KIF26B: variants seen among roughly 807,000 people sequenced by gnomAD.
The protein encoded by KIF26B is kinesin-like protein KIF26B.
Under a neutral mutation model 151.2 loss-of-function variants are expected in KIF26B, and 63 were observed. That is an observed-to-expected ratio of 0.42 (90% CI 0.34 to 0.51). The LOEUF (loss-of-function observed/expected upper bound fraction) is 0.51. KIF26B is among the 20% of genes least tolerant of loss of function. The probability of loss-of-function intolerance (pLI) is 0.07; values close to 1 mark genes in which losing one functional copy is unlikely to be tolerated. For synonymous variants in KIF26B, 1,357 were observed against 1,262.1 expected (o/e 1.08, Z -1.59); for missense variants, 2,813 against 2,913.6 (o/e 0.97, Z 0.79).
At chr1:245,671,865 G>A (rs1226657597) in intron 10 of KIF26B, among the ~76,000 whole-genome samples, 1 of 152,202 alleles carries the variant, frequency 6.6e-6, no homozygotes, top group African/African-American at 2.4e-5. Flanking sequence ...ATGCAGGAGA[G>A]GCACGAAAGC....
At chr1:245,598,614 T>A (rs2043358880) in intron 5 of KIF26B, among the ~76,000 whole-genome samples, 1 of 152,006 alleles carries the variant, frequency 6.6e-6, no homozygotes, top group African/African-American at 2.4e-5. Flanking sequence ...GTGGCAGCGA[T>A]CACCTCCATG....
chr1:245,227,198 G>A lies in KIF26B; in HGVS notation c.465+70515G>A, dbSNP rs1020940096. On this transcript the variant is annotated intron_variant, in intron 2 of 14. Transcript: ENST00000407071. The surrounding 1 kb of genome is among the most constrained non-coding windows in gnomAD (Gnocchi z 4.1). ...TGTGTCTGTCTGGTTGAGCTGAAAC[G>A]TGGGCAGATCAGAAAGGAAGGAAAA... Among the ~76,000 whole-genome samples the A allele has an allele frequency of 1.3e-5, 2 of 152,144 alleles. No individual in the cohort carries two copies. The highest frequency in any genetic ancestry group is 2.9e-5 in the Non-Finnish European group (2 of 68,036).
intron 2 of KIF26B, 68 bp from the exon 3 acceptor site, chr1:245,366,766 G>GTA: frequency 6.7e-7 from 1 of 1,482,888 alleles, no homozygotes; most frequent in Non-Finnish European, 9.3e-7. Flanking sequence ...GGTAAGCCAG[G>GTA]TATCTGACTT....
chr1:245,479,377 A>G (rs567826207), intron 4 of KIF26B, among the ~76,000 whole-genome samples: 3 of 151,920 alleles, frequency 2.0e-5, no homozygotes, highest in South Asian at 4.2e-4. Flanking sequence ...CACCCAGGGT[A>G]TATCTACAGA....
intron 3 of KIF26B, among the ~76,000 whole-genome samples, chr1:245,411,884 G>A (rs1160518259): frequency 6.6e-6 from 1 of 152,152 alleles, no homozygotes; most frequent in African/African-American, 2.4e-5. Flanking sequence ...CTGGAGTAAG[G>A]TGCCCTCCGT....
intron 5 of KIF26B, among the ~76,000 whole-genome samples, chr1:245,578,978 T>C (rs1008918392): frequency 1.3e-5 from 2 of 152,210 alleles, no homozygotes; most frequent in African/African-American, 4.8e-5. Flanking sequence ...GAGAAAATAG[T>C]TTCTGGTTAT....
At chr1:245,199,303 C>T (rs955600348) in intron 2 of KIF26B, among the ~76,000 whole-genome samples, 1 of 152,000 alleles carries the variant, frequency 6.6e-6, no homozygotes, top group African/African-American at 2.4e-5. Flanking sequence ...CATATATACT[C>T]CCCTCCCTCC....
intron 2 of KIF26B, among the ~76,000 whole-genome samples, chr1:245,280,710 C>A: frequency 7.8e-6 from 1 of 127,848 alleles, no homozygotes; most frequent in Non-Finnish European, 1.6e-5. Flanking sequence ...CCCATTAACT[C>A]GTCATCTAGC....
intron 2 of KIF26B, among the ~76,000 whole-genome samples, chr1:245,282,159 G>T (rs2102968707): frequency 6.6e-6 from 1 of 152,042 alleles, no homozygotes; most frequent in Middle Eastern, 3.4e-3. Flanking sequence ...CGTGAAAATG[G>T]CCATACTGCC....
chr1:245,229,402 G>A (rs949559244), intron 2 of KIF26B, among the ~76,000 whole-genome samples: 2 of 152,136 alleles, frequency 1.3e-5, no homozygotes, highest in African/African-American at 4.8e-5. Context: ...GGAGTGATGA[G>A]GGTACCATTT....
At chr1:245,378,241 A>G (rs1673322475) in intron 3 of KIF26B, among the ~76,000 whole-genome samples, 1 of 152,068 alleles carries the variant, frequency 6.6e-6, no homozygotes. Context: ...AACAGCAGGT[A>G]AGATGCTGTG....
chr1:245,662,346 CTA>C (rs199768176), intron 10 of KIF26B, among the ~76,000 whole-genome samples: 12,690 of 145,876 alleles, frequency 0.087, 977 homozygotes, highest in East Asian at 0.39. Flanking sequence ...CACACACACC[CTA>C]TATATATATA....
Position 245,652,102 on chromosome 1 carries a change from CTGTGTGTGTGTGTG to C in KIF26B, c.2258+5853_2258+5866del, listed in dbSNP as rs56893913. Among the ~76,000 whole-genome samples the C allele has an allele frequency of 2.1e-3, 283 of 136,444 alleles. 1 individual carries two copies. The highest frequency in any genetic ancestry group is 8.9e-3 in the East Asian group (43 of 4,806). 89.5% of individuals were successfully genotyped at this position (136,444 alleles called of 152,430 possible). A position where few individuals can be genotyped will look rare whatever the true frequency, so the allele number is the denominator to read the frequency against. ...GAAACGGAGAGGTTCATGTAAGAAT[CTGTGTGTGTGTGTG>C]TGTGTGTGTGTGTGTGTGTGTGTGT... On this transcript the variant is annotated intron_variant, in intron 10 of 14. Transcript: ENST00000407071.
At position 245,261,570 on chromosome 1, in the gene KIF26B, TTTCTCTCG is replaced by T. The variant is rs199578676; in HGVS notation, c.465+104895_465+104902del. On this transcript the variant is annotated intron_variant, in intron 2 of 14. Coordinates refer to ENST00000407071, the MANE Select transcript of KIF26B (RefSeq NM_018012.4). ...CTCCCTCCCTCCGTCTGTCCCTCTC[TTTCTCTCG>T]TTCTCTCTTTTCTTTCTTTCTCTCA... is the stretch of plus-strand genomic sequence containing the variant. Among the ~76,000 whole-genome samples, 1,394 of 141,776 alleles carry T rather than the reference TTTCTCTCG, an allele frequency of 9.8e-3. 11 individuals carry two copies. Among genetic ancestry groups the T allele is most frequent in the African/African-American group, 0.014 (541 of 38,966 alleles). The allele number at this position is 141,776 out of a possible 152,430, so 93.0% of individuals were successfully genotyped here.
chr1:245,469,979 C>T (rs1340043620), intron 4 of KIF26B, among the ~76,000 whole-genome samples: 1 of 151,000 alleles, frequency 6.6e-6, no homozygotes, highest in Middle Eastern at 3.4e-3. Context: ...CCGGAGGTCA[C>T]AGTAGATCAG....
At position 245,192,317 on chromosome 1, in the gene KIF26B, T is replaced by C. The variant is rs1326887980; in HGVS notation, c.465+35634T>C. 2.0e-5 allele frequency among the ~76,000 whole-genome samples: 3 copies of C among 152,204 alleles called. No individual in the cohort carries two copies. The East Asian group carries it at 5.8e-4, about 29-fold the overall frequency. On this transcript the variant is annotated intron_variant, in intron 2 of 14. Coordinates refer to ENST00000407071, the MANE Select transcript of KIF26B (RefSeq NM_018012.4). ...GGATATAACCTCAAATGTAAGTATT[T>C]TCTGGTCTAGACAGTTTAAAACTTC...
chr1:245,330,099 G>A (rs1332875990), intron 2 of KIF26B, among the ~76,000 whole-genome samples: 7 of 152,040 alleles, frequency 4.6e-5, no homozygotes, highest in African/African-American at 1.7e-4. Context: ...CCCCAAAAAG[G>A]ATTTTAATGT....
intron 4 of KIF26B, among the ~76,000 whole-genome samples, chr1:245,521,018 G>T (rs1041211386): frequency 8.5e-5 from 13 of 152,314 alleles, no homozygotes; most frequent in African/African-American, 3.1e-4. Flanking sequence ...ATGCTTAAGA[G>T]GTTGGACTGT....
intron 4 of KIF26B, among the ~76,000 whole-genome samples, chr1:245,515,487 C>T (rs1660942099): frequency 1.1e-5 from 1 of 88,598 alleles, no homozygotes; most frequent in Non-Finnish European, 3.0e-5. Context: ...CCTGCCCTGC[C>T]TCAGGTCTTG....
Sources: allele counts gnomAD v4.1 joint callset (sites outside exome capture counted in the v4.1 genomes callset), GRCh38; gene constraint gnomAD v4.1.1; non-coding constraint Gnocchi (gnomAD v3.1); transcripts MANE v1.5; gene names NCBI Gene and HGNC (gene_info 2026-07-23, HGNC 2026-07-21).